Variants in LINGO2 observed in about 807,000 individuals in gnomAD.
LINGO2 encodes the protein leucine rich repeat and Ig domain containing 2, also known as leucine-rich repeat and immunoglobulin-like domain-containing nogo receptor-interacting protein 2.
Under a neutral mutation model 30.6 loss-of-function variants are expected in LINGO2, and 14 were observed. The ratio of observed to expected loss-of-function variants is 0.46; its 90% confidence interval spans 0.30 to 0.72. LINGO2 has a LOEUF of 0.72. Ranked by LOEUF, LINGO2 falls within the 30% of genes least tolerant of loss-of-function variation. The pLI is 0.07. For synonymous variants in LINGO2, 317 were observed against 288.5 expected (o/e 1.10, Z -1.00); for missense variants, 729 against 751.7 (o/e 0.97, Z 0.35).
chr9:28,970,214 G>A, the LINGO2 span, among the ~76,000 whole-genome samples: 1 of 152,128 alleles, frequency 6.6e-6, no homozygotes, highest in African/African-American at 2.4e-5. Flanking sequence ...AGAAGTGGCT[G>A]ATGAGACATG....
At chr9:28,658,330 T>C (rs1290893166) in intron 1 of LINGO2, among the ~76,000 whole-genome samples, 2 of 152,028 alleles carry the variant, frequency 1.3e-5, no homozygotes, top group African/African-American at 4.8e-5. Flanking sequence ...TTATTGAAAG[T>C]GGAAAATTCA....
the LINGO2 span, among the ~76,000 whole-genome samples, chr9:28,983,033 C>T: frequency 6.6e-6 from 1 of 151,478 alleles, no homozygotes; most frequent in Non-Finnish European, 1.5e-5. Context: ...ATTGTAGGTA[C>T]ATAAGAAAAT....
At chr9:29,190,399 A>C in the LINGO2 span, among the ~76,000 whole-genome samples, 4 of 152,312 alleles carry the variant, frequency 2.6e-5, no homozygotes, top group Non-Finnish European at 4.4e-5. Context: ...TCTACTTGAT[A>C]TCCTGGCAAT....
At chr9:29,045,321 G>A in the LINGO2 span, among the ~76,000 whole-genome samples, 1 of 151,986 alleles carries the variant, frequency 6.6e-6, no homozygotes, top group African/African-American at 2.4e-5. Context: ...GAGAAATGGT[G>A]GACAAAAGGG....
chr9:28,988,377 T>C, the LINGO2 span, among the ~76,000 whole-genome samples: 2 of 152,156 alleles, frequency 1.3e-5, no homozygotes, highest in African/African-American at 4.8e-5. Flanking sequence ...TCCATTTGCA[T>C]AGAAAATATT....
chr9:28,993,585 A>G, the LINGO2 span, among the ~76,000 whole-genome samples: 1 of 151,056 alleles, frequency 6.6e-6, no homozygotes, highest in Non-Finnish European at 1.5e-5. Flanking sequence ...TTAGATCAAT[A>G]TACTTGATGA....
intron 1 of LINGO2, among the ~76,000 whole-genome samples, chr9:28,489,694 C>T (rs1020402219): frequency 1.3e-5 from 2 of 151,590 alleles, no homozygotes; most frequent in East Asian, 2.0e-4. Flanking sequence ...GTCAGGAGAT[C>T]GAGACCATCC....
intron 3 of LINGO2, among the ~76,000 whole-genome samples, chr9:28,303,451 T>C (rs1824223985): frequency 6.6e-6 from 1 of 152,066 alleles, no homozygotes. Flanking sequence ...TGTAGTTATA[T>C]ATAAAATTGA....
intron 2 of LINGO2, among the ~76,000 whole-genome samples, chr9:28,447,804 T>C (rs147155900): frequency 1.3e-5 from 2 of 152,308 alleles, no homozygotes; most frequent in Non-Finnish European, 2.9e-5. Context: ...TTGCTTGATA[T>C]AGGAACTCAT....
chr9:28,772,559 A>G, the LINGO2 span, among the ~76,000 whole-genome samples: 8 of 152,338 alleles, frequency 5.3e-5, no homozygotes, highest in South Asian at 1.7e-3. Context: ...CTAGGCAGTT[A>G]TTGATATTAC....
At chr9:28,169,187 C>T (rs1456349953) in intron 4 of LINGO2, among the ~76,000 whole-genome samples, 1 of 152,148 alleles carries the variant, frequency 6.6e-6, no homozygotes, top group African/African-American at 2.4e-5. Context: ...ACTTTAACAA[C>T]TCAATTCACT....
chr9:27,970,400 G>A (rs544793791), intron 5 of LINGO2, among the ~76,000 whole-genome samples: 5 of 152,242 alleles, frequency 3.3e-5, no homozygotes, highest in East Asian at 3.9e-4. Context: ...CTGAAGAAAC[G>A]TATCTTTCTT....
At chr9:28,578,297 G>C (rs1824090166) in intron 1 of LINGO2, among the ~76,000 whole-genome samples, 1 of 152,074 alleles carries the variant, frequency 6.6e-6, no homozygotes. Context: ...GTGGGTAATG[G>C]GGTGGCAGAT....
At chr9:29,156,600 C>T in the LINGO2 span, among the ~76,000 whole-genome samples, 1 of 151,934 alleles carries the variant, frequency 6.6e-6, no homozygotes, top group African/African-American at 2.4e-5. Context: ...GTTTTTATGC[C>T]ACTATGTTTC....
rs377593480 is a variant in LINGO2 at position 28,097,398 on chromosome 9, C to T, written c.-86-84993G>A. ...GACACATGCACACGTATGTTTATTG[C>T]GGCACTATTCACAATAGCAAAGACT... On this transcript the variant is annotated intron_variant, in intron 4 of 5. Coordinates refer to ENST00000379992, the Ensembl canonical transcript of LINGO2. 1.0e-4 allele frequency among the ~76,000 whole-genome samples: 15 copies of T among 147,540 alleles called. No individual in the cohort carries two copies. The South Asian group carries it at 1.6e-3, about 15-fold the overall frequency.
chr9:29,081,584 G>A, the LINGO2 span, among the ~76,000 whole-genome samples: 65,947 of 151,806 alleles, frequency 0.43, 14,569 homozygotes, highest in East Asian at 0.55. Flanking sequence ...CTGGCTAGGG[G>A]AATCAGGCAG....
At chr9:28,961,523 C>T in the LINGO2 span, among the ~76,000 whole-genome samples, 2 of 152,230 alleles carry the variant, frequency 1.3e-5, no homozygotes, top group East Asian at 3.9e-4. Context: ...TGCACTTAAA[C>T]TACAATTTAT....
intron 4 of LINGO2, among the ~76,000 whole-genome samples, chr9:28,183,725 A>G (rs1819441235): frequency 6.6e-6 from 1 of 152,156 alleles, no homozygotes; most frequent in Admixed American, 6.5e-5. Context: ...AGTGTCTCTG[A>G]AAGGAATTAT....
chr9:28,010,676 C>G (rs1327364490), intron 5 of LINGO2, among the ~76,000 whole-genome samples: 1 of 152,182 alleles, frequency 6.6e-6, no homozygotes, highest in Non-Finnish European at 1.5e-5. Flanking sequence ...AGGCTGGACA[C>G]AGTGGCTGGC....
Sources: allele counts gnomAD v4.1 joint callset (sites outside exome capture counted in the v4.1 genomes callset), GRCh38; gene constraint gnomAD v4.1.1; transcripts MANE v1.5; gene names NCBI Gene and HGNC (gene_info 2026-07-23, HGNC 2026-07-21).